INPP4A: variants seen among roughly 807,000 people sequenced by gnomAD.
INPP4A encodes inositol polyphosphate-4-phosphatase type I A.
INPP4A carries 33 observed loss-of-function variants against 119.8 expected under a neutral mutation model. The observed-to-expected ratio is 0.28, with a 90% confidence interval of 0.21 to 0.37. INPP4A has a LOEUF of 0.37. INPP4A is among the 10% of genes least tolerant of loss of function. INPP4A has a pLI of 1.00. For synonymous variants in INPP4A, 496 were observed against 500.7 expected (o/e 0.99, Z 0.12); for missense variants, 956 against 1,289.9 (o/e 0.74, Z 3.97).
At chr2:98,536,342 G>C in intron 7 of INPP4A, 134 bp downstream of exon 7, 1 of 636,192 alleles carries the variant, frequency 1.6e-6, no homozygotes, top group Non-Finnish European at 2.9e-6. Flanking sequence ...GGGACACTGT[G>C]TTGTCTATTG....
In INPP4A at chr2:98,544,137, C is replaced by T. The variant is rs6723348; in HGVS notation, c.949+130C>T. 786 of 746,222 alleles carry T rather than the reference C, an allele frequency of 1.1e-3. 9 individuals carry two copies. The African/African-American group carries it at 0.011, about 11-fold the overall frequency. The allele number at this position is 746,222 out of a possible 1,614,324, so 46.2% of individuals were successfully genotyped here. On this transcript the variant is annotated intron_variant, in intron 11 of 24. Transcript: ENST00000409851. ...GGAACACAGGGTCACTTACACATTC[C>T]CACTGACAGACACTTTAATGGATTT...
chr2:98,506,631 T>C (rs1359800822), intron 1 of INPP4A, among the ~76,000 whole-genome samples: 1 of 152,216 alleles, frequency 6.6e-6, no homozygotes, highest in Non-Finnish European at 1.5e-5. Context: ...TCTCCTCCTC[T>C]CTTGACCCTC....
intron 4 of INPP4A, 118 bp downstream of exon 4, chr2:98,520,849 G>A (rs944519797): frequency 6.5e-6 from 4 of 612,512 alleles, no homozygotes; most frequent in Non-Finnish European, 1.1e-5. Context: ...TGCCACCACT[G>A]CTGCAGCGTT....
chr2:98,509,616 T>G (rs1236757904), intron 1 of INPP4A, among the ~76,000 whole-genome samples: 1 of 151,768 alleles, frequency 6.6e-6, no homozygotes, highest in Non-Finnish European at 1.5e-5. Flanking sequence ...GAAGAAAGAG[T>G]GGCTGAAGTG....
chr2:98,548,925 A>G (rs928891879), intron 13 of INPP4A: 1 of 1,598,734 alleles, frequency 6.3e-7, no homozygotes, highest in Non-Finnish European at 8.5e-7. Context: ...CAAACTGCTA[A>G]TATTTCATTT....
At chr2:98,517,145 C>T (rs1241546433) in intron 1 of INPP4A, among the ~76,000 whole-genome samples, 6 of 152,148 alleles carry the variant, frequency 3.9e-5, no homozygotes, top group Admixed American at 2.6e-4. Context: ...CTGGATGCCA[C>T]AGATTCGTTT....
chr2:98,540,283 A>G (rs1691173155), intron 10 of INPP4A, among the ~76,000 whole-genome samples: 1 of 152,152 alleles, frequency 6.6e-6, no homozygotes, highest in Non-Finnish European at 1.5e-5. Context: ...AAAGTTAGAA[A>G]TAACTGGTAA....
intron 1 of INPP4A, among the ~76,000 whole-genome samples, chr2:98,475,805 T>C (rs1013623008): frequency 1.2e-4 from 18 of 151,920 alleles, no homozygotes; most frequent in African/African-American, 4.4e-4. Flanking sequence ...TGGGCAGGGA[T>C]GGGCCTCTGG....
chr2:98,445,662 G>C (rs531042983), intron 1 of INPP4A, among the ~76,000 whole-genome samples: 57 of 152,306 alleles, frequency 3.7e-4, no homozygotes, highest in Non-Finnish European at 6.5e-4. Flanking sequence ...AGCCAGGAAT[G>C]GGTAGGCCCC....
intron 1 of INPP4A, among the ~76,000 whole-genome samples, chr2:98,501,586 A>G (rs918351642): frequency 1.3e-5 from 2 of 152,096 alleles, no homozygotes; most frequent in Non-Finnish European, 2.9e-5. Flanking sequence ...GGGAGTAATG[A>G]TTTCCCTATG....
chr2:98,573,979 GA>G (rs1373029182), intron 23 of INPP4A, among the ~76,000 whole-genome samples: 1 of 152,168 alleles, frequency 6.6e-6, no homozygotes, highest in Non-Finnish European at 1.5e-5. Context: ...GCGTGGGGTG[GA>G]TCAATCTGCA....
intron 1 of INPP4A, among the ~76,000 whole-genome samples, chr2:98,485,625 A>G (rs1227490826): frequency 6.6e-6 from 1 of 152,028 alleles, no homozygotes; most frequent in East Asian, 1.9e-4. Flanking sequence ...TGGTGGTGAG[A>G]ACCCAGCTGA....
chr2:98,498,134 C>T (rs1490489476), intron 1 of INPP4A, among the ~76,000 whole-genome samples: 2 of 151,962 alleles, frequency 1.3e-5, no homozygotes, highest in Non-Finnish European at 2.9e-5. Flanking sequence ...TGATAGGGGC[C>T]AGGGGTGGAA....
At chr2:98,553,592 C>T (rs1693946030) in intron 14 of INPP4A, among the ~76,000 whole-genome samples, 1 of 152,084 alleles carries the variant, frequency 6.6e-6, no homozygotes, top group Non-Finnish European at 1.5e-5. Context: ...CACACACACC[C>T]CAGATTCTGA....
chr2:98,528,913 A>G (rs948968676), intron 4 of INPP4A, among the ~76,000 whole-genome samples: 4 of 151,994 alleles, frequency 2.6e-5, no homozygotes, highest in Non-Finnish European at 5.9e-5. Flanking sequence ...CATCTCTACT[A>G]AAAATACAAA....
intron 1 of INPP4A, among the ~76,000 whole-genome samples, chr2:98,453,111 T>G (rs903297249): frequency 2.0e-5 from 3 of 152,218 alleles, no homozygotes; most frequent in Non-Finnish European, 4.4e-5. Context: ...ACGGTGTAAT[T>G]TGTGAGATCA....
chr2:98,516,761 A>C (rs923090256), intron 1 of INPP4A, among the ~76,000 whole-genome samples: 1 of 152,132 alleles, frequency 6.6e-6, no homozygotes, highest in Non-Finnish European at 1.5e-5. Flanking sequence ...CTTCAGTGAC[A>C]CAAGAGTATG....
chr2:98,552,191 A>T (rs1255096131), intron 13 of INPP4A, among the ~76,000 whole-genome samples: 1 of 152,238 alleles, frequency 6.6e-6, no homozygotes, highest in African/African-American at 2.4e-5. Flanking sequence ...AAAGTAGGGA[A>T]GTCCTGGAGC....
At position 98,543,944 on chromosome 2, in the gene INPP4A, A is replaced by G; in HGVS notation, c.886A>G (p.Thr296Ala). The G allele has an allele frequency of 6.2e-7, 1 of 1,601,902 alleles. No individual in the cohort carries two copies. Among genetic ancestry groups the G allele is most frequent in the Non-Finnish European group, 8.5e-7 (1 of 1,173,816 alleles). ...CWESLRRQIV[T>A]QYQTIILTYQ... ...GGAGAGCCTCCGGCGCCAAATTGTC[A>G]CCCAGTACCAGACCATCATCCTCAC... The change falls in exon 11 of 25, where the codon ACC becomes GCC. Residue 296 changes from threonine (T) to alanine (A), a missense_variant. This residue lies in a region of INPP4A where 652 missense variants were observed against 797.9 expected (regional missense o/e 0.82). Coordinates refer to ENST00000409851, the MANE Select transcript of INPP4A (RefSeq NM_001134225.2).
Sources: gnomAD v4.1 joint callset for allele counts (sites outside exome capture counted in the v4.1 genomes callset) on GRCh38, gnomAD v4.1.1 for gene constraint, gnomAD v4.1.1 regional missense constraint, MANE v1.5 for transcripts, NCBI Gene and HGNC (gene_info 2026-07-23, HGNC 2026-07-21) for gene names.